The following GRID2 variants were observed in gnomAD, a reference collection of about 807,000 sequenced individuals.
GRID2 encodes the protein glutamate ionotropic receptor delta type subunit 2.
GRID2 carries 33 observed loss-of-function variants against 114.8 expected under a neutral mutation model. The observed-to-expected ratio is 0.29, with a 90% confidence interval of 0.22 to 0.38. GRID2 has a LOEUF of 0.38. Among genes scored for constraint, GRID2 ranks in the 10% least tolerant of loss-of-function variants. The pLI, the probability that GRID2 is intolerant of heterozygous loss-of-function variation, is 1.00. For missense variants in GRID2, 1,184 were observed against 1,257.7 expected, an observed-to-expected ratio of 0.94 and a Z score of 0.89; for synonymous variants, 505 against 449.9, an observed-to-expected ratio of 1.12 and a Z score of -1.55.
intron 2 of GRID2, among the ~76,000 whole-genome samples, chr4:93,016,584 A>C (rs966471217): frequency 6.6e-6 from 1 of 152,158 alleles, no homozygotes; most frequent in Admixed American, 6.6e-5. Flanking sequence ...AGGCTGGATC[A>C]GCGTCTTTGA....
At chr4:92,527,487 TAGC>T (rs1248784938) in intron 1 of GRID2, among the ~76,000 whole-genome samples, 3 of 152,052 alleles carry the variant, frequency 2.0e-5, no homozygotes, top group African/African-American at 7.2e-5. Flanking sequence ...TGGGAAGAAG[TAGC>T]AGGAAAAGGG....
intron 14 of GRID2, among the ~76,000 whole-genome samples, chr4:93,768,858 C>G (rs1733888423): frequency 1.3e-5 from 2 of 152,166 alleles, no homozygotes; most frequent in South Asian, 4.2e-4. Flanking sequence ...CATATAAAAA[C>G]AGTGCCTCTG....
chr4:93,097,092 T>C (rs1731287597), intron 3 of GRID2, among the ~76,000 whole-genome samples: 1 of 151,936 alleles, frequency 6.6e-6, no homozygotes, highest in Admixed American at 6.6e-5. Context: ...AAAACTAAGC[T>C]ATCGTGGTCA....
intron 1 of GRID2, among the ~76,000 whole-genome samples, chr4:92,552,396 A>G (rs1200500466): frequency 6.6e-6 from 1 of 152,198 alleles, no homozygotes; most frequent in Non-Finnish European, 1.5e-5. Context: ...CATTTGATAG[A>G]GTAGTTTCAG....
At chr4:93,730,663 A>G (rs1189408911) in intron 14 of GRID2, among the ~76,000 whole-genome samples, 1 of 152,218 alleles carries the variant, frequency 6.6e-6, no homozygotes, top group Non-Finnish European at 1.5e-5. Context: ...AGCCCCAAAC[A>G]AAAGGCTTAA....
intron 2 of GRID2, among the ~76,000 whole-genome samples, chr4:93,023,407 A>G (rs1480215618): frequency 1.3e-5 from 2 of 152,000 alleles, no homozygotes; most frequent in Admixed American, 6.6e-5. Flanking sequence ...AAGCTCTGCA[A>G]TAAGGAAACC....
intron 1 of GRID2, among the ~76,000 whole-genome samples, chr4:92,566,134 T>C (rs2149187090): frequency 6.6e-6 from 1 of 152,050 alleles, no homozygotes; most frequent in East Asian, 1.9e-4. Context: ...GGCGCAAAAT[T>C]TTTGGTGAAG....
chr4:93,542,121 C>G (rs1008428616), intron 13 of GRID2, among the ~76,000 whole-genome samples: 2 of 152,264 alleles, frequency 1.3e-5, no homozygotes, highest in Non-Finnish European at 2.9e-5. Flanking sequence ...TTTATTTTAA[C>G]TTCAGATTGT....
At chr4:92,650,608 T>C (rs1180377296) in intron 2 of GRID2, among the ~76,000 whole-genome samples, 2 of 151,854 alleles carry the variant, frequency 1.3e-5, no homozygotes, top group Non-Finnish European at 2.9e-5. Flanking sequence ...GGTATCTGAG[T>C]GGCAGCCTTG....
intron 8 of GRID2, among the ~76,000 whole-genome samples, chr4:93,258,689 T>C (rs542458792): frequency 6.6e-6 from 1 of 151,990 alleles, no homozygotes; most frequent in African/African-American, 2.4e-5. Context: ...TAGTTTGTTA[T>C]TAGTTATGCA....
intron 1 of GRID2, among the ~76,000 whole-genome samples, chr4:92,540,941 C>A (rs1368478340): frequency 6.6e-6 from 1 of 152,192 alleles, no homozygotes; most frequent in Admixed American, 6.6e-5. Flanking sequence ...GGCATATATA[C>A]ACCATGGAAT....
intron 1 of GRID2, among the ~76,000 whole-genome samples, chr4:92,357,665 A>T (rs2110195232): frequency 6.6e-6 from 1 of 151,960 alleles, no homozygotes; most frequent in Admixed American, 6.6e-5. Context: ...AGTTAGAATT[A>T]TTTTCTATAA....
intron 2 of GRID2, among the ~76,000 whole-genome samples, chr4:92,973,386 A>C (rs112684593): frequency 2.2e-4 from 33 of 152,312 alleles, no homozygotes; most frequent in African/African-American, 7.9e-4. Flanking sequence ...TAGTTACAAT[A>C]GGTGGCATTT....
chr4:93,349,363 T>A (rs1178550487), intron 8 of GRID2, among the ~76,000 whole-genome samples: 1 of 150,622 alleles, frequency 6.6e-6, no homozygotes, highest in East Asian at 1.9e-4. Flanking sequence ...AACTGCATAC[T>A]TTTTTTTCTT....
chr4:93,504,013 C>T (rs1338324326), intron 12 of GRID2, among the ~76,000 whole-genome samples: 1 of 151,908 alleles, frequency 6.6e-6, no homozygotes, highest in African/African-American at 2.4e-5. Context: ...AAACTGTGAC[C>T]TTCTACCTTA....
intron 2 of GRID2, among the ~76,000 whole-genome samples, chr4:92,977,335 G>T (rs1753939936): frequency 6.6e-6 from 1 of 152,094 alleles, no homozygotes; most frequent in South Asian, 2.1e-4. Flanking sequence ...ATTTCTGGGA[G>T]AGGTACATTC....
chr4:93,366,497 A>G (rs1043171289), intron 8 of GRID2, among the ~76,000 whole-genome samples: 7 of 152,074 alleles, frequency 4.6e-5, no homozygotes, highest in Admixed American at 3.3e-4. Flanking sequence ...GTCAATGACA[A>G]TGGTGCCTGA....
At chr4:93,598,199 C>A (rs985610362) in intron 13 of GRID2, among the ~76,000 whole-genome samples, 1 of 152,168 alleles carries the variant, frequency 6.6e-6, no homozygotes, top group Non-Finnish European at 1.5e-5. Flanking sequence ...GGCGGTCTGA[C>A]TCTAGACTCT....
At chr4:92,353,452 G>T (rs2110187864) in intron 1 of GRID2, among the ~76,000 whole-genome samples, 2 of 152,020 alleles carry the variant, frequency 1.3e-5, no homozygotes, top group South Asian at 4.2e-4. Context: ...TGTGGTAACT[G>T]TGGAGATTAA....
Sources: allele counts gnomAD v4.1 joint callset (sites outside exome capture counted in the v4.1 genomes callset), GRCh38; gene constraint gnomAD v4.1.1; transcripts MANE v1.5; gene names NCBI Gene and HGNC (gene_info 2026-07-23, HGNC 2026-07-21).